Variants in SLC26A8 observed in about 807,000 individuals in gnomAD.
SLC26A8 encodes testis anion transporter 1.
A neutral mutation model predicts 105.0 loss-of-function variants in SLC26A8; 70 were observed. The observed-to-expected ratio is 0.67, with a 90% CI of 0.55 to 0.81. The LOEUF is 0.81. Among genes scored for constraint, SLC26A8 ranks in the 40% least tolerant of loss-of-function variants. The pLI is 0.00. For missense variants in SLC26A8, 998 were observed against 1,181.8 expected (o/e 0.84, Z 2.28); for synonymous variants, 415 against 438.3 (o/e 0.95, Z 0.66).
intron 19 of SLC26A8, among the ~76,000 whole-genome samples, chr6:35,946,725 T>C (rs557531524): frequency 1.3e-5 from 2 of 152,304 alleles, no homozygotes; most frequent in Middle Eastern, 3.4e-3. Flanking sequence ...TCTTACTCTG[T>C]CATCCAGGCC....
chr6:35,995,004 G>A (rs1761313230), intron 5 of SLC26A8, among the ~76,000 whole-genome samples: 1 of 152,128 alleles, frequency 6.6e-6, no homozygotes, highest in South Asian at 2.1e-4. Flanking sequence ...GTGTAAGTGT[G>A]GGCAAGTTAA....
At chr6:35,944,679 A>G (rs756295473) in intron 19 of SLC26A8, among the ~76,000 whole-genome samples, 1 of 151,964 alleles carries the variant, frequency 6.6e-6, no homozygotes, top group African/African-American at 2.4e-5. Context: ...GCTGCACTCC[A>G]GCCTGAGCAA....
Position 35,994,360 on chromosome 6 carries a change from C to T in SLC26A8, c.628-1686G>A, listed in dbSNP as rs940993434. Among the ~76,000 whole-genome samples the T allele has an allele frequency of 9.2e-5, 14 of 151,898 alleles. 1 individual carries two copies. Among genetic ancestry groups the T allele is most frequent in the Admixed American group, 4.6e-4 (7 of 15,224 alleles). ...CGATCTCCTGACCTTGTGATCCGCC[C>T]GCCTCGGCCTCTCAAAGTGCTGGGA... On this transcript the variant is annotated intron_variant, in intron 5 of 19. Coordinates refer to ENST00000490799, the MANE Select transcript of SLC26A8 (RefSeq NM_052961.4).
chr6:36,002,680 G>GT (rs1363416629), intron 3 of SLC26A8, among the ~76,000 whole-genome samples: 3 of 150,242 alleles, frequency 2.0e-5, no homozygotes, highest in African/African-American at 7.3e-5. Context: ...TGTTTTGCAA[G>GT]TATCTCCCAT....
intron 7 of SLC26A8, among the ~76,000 whole-genome samples, chr6:35,989,294 A>G (rs185601393): frequency 6.6e-6 from 1 of 152,312 alleles, no homozygotes; most frequent in African/African-American, 2.4e-5. Flanking sequence ...TCTTTTTGTC[A>G]TGACAGATTA....
At chr6:35,982,789 CAAAAGAGA>C (rs1773329611) in intron 7 of SLC26A8, among the ~76,000 whole-genome samples, 2 of 151,986 alleles carry the variant, frequency 1.3e-5, no homozygotes, top group Non-Finnish European at 2.9e-5. Flanking sequence ...TGAGGTATAC[CAAAAGAGA>C]AACATGATTA....
chr6:35,972,720 G>A (rs182578608), intron 10 of SLC26A8, among the ~76,000 whole-genome samples: 22 of 152,272 alleles, frequency 1.4e-4, no homozygotes, highest in Non-Finnish European at 2.4e-4. Context: ...AGGTGGCAGC[G>A]GAAAACAAAA....
intron 10 of SLC26A8, chr6:35,969,258 C>T (rs1342721142): frequency 3.3e-6 from 1 of 300,354 alleles, no homozygotes; most frequent in African/African-American, 2.2e-5. Context: ...CTCCTAAAAT[C>T]TGATTTGCAT....
chr6:35,975,348 T>C lies in SLC26A8; in HGVS notation c.1287+27A>G, dbSNP rs147847904. On this transcript the variant is annotated intron_variant, in intron 10 of 19. Coordinates refer to ENST00000490799, the MANE Select transcript of SLC26A8 (RefSeq NM_052961.4). The stretch of plus-strand genomic sequence containing the variant: ...AATTGATATGAATATGTTTATGTAT[T>C]AGAGATCAAATTGTATTTCAACATA... The C allele has an allele frequency of 4.0e-4, 519 of 1,313,418 alleles. 1 individual carries two copies. The African/African-American group carries it at 6.8e-3, about 17-fold the overall frequency. 81.4% of individuals were successfully genotyped at this position (1,313,418 alleles called of 1,614,324 possible).
intron 11 of SLC26A8, among the ~76,000 whole-genome samples, chr6:35,963,098 T>C (rs891263380): frequency 2.6e-5 from 4 of 152,174 alleles, no homozygotes; most frequent in Non-Finnish European, 5.9e-5. Flanking sequence ...AGGTAGTTCA[T>C]TACTCACATA....
intron 4 of SLC26A8, among the ~76,000 whole-genome samples, chr6:35,999,655 A>G (rs947954373): frequency 2.6e-5 from 4 of 152,188 alleles, no homozygotes; most frequent in Non-Finnish European, 5.9e-5. Context: ...GGTTCAGATG[A>G]AAGAAGTATC....
In SLC26A8 at chr6:35,981,295, G is replaced by C. The variant is rs1773255801; in HGVS notation, c.1025+826C>G. ...GAGTCCTTAAGAACTCCATATGCCAGGCTATTTGAAGATCACTTTCTACCC... is the reference window on the plus strand; with the variant it reads ...GAGTCCTTAAGAACTCCATATGCCACGCTATTTGAAGATCACTTTCTACCC... On this transcript the variant is annotated intron_variant, in intron 8 of 19. Coordinates refer to ENST00000490799, the MANE Select transcript of SLC26A8 (RefSeq NM_052961.4). This position sits in a 1 kb window ranked among gnomAD's most constrained non-coding sequence, Gnocchi z 4.0. Among the ~76,000 whole-genome samples the C allele has an allele frequency of 6.6e-6, 1 of 152,138 alleles. No homozygotes were observed. Among genetic ancestry groups the C allele is most frequent in the African/African-American group, 2.4e-5 (1 of 41,424 alleles).
Position 36,024,544 on chromosome 6 carries a change from C to T in SLC26A8, c.-43G>A, listed in dbSNP as rs762655066. The T allele has an allele frequency of 7.2e-6, 3 of 416,348 alleles. No individual in the cohort carries two copies. Among genetic ancestry groups the T allele is most frequent in the East Asian group, 1.5e-4 (2 of 12,974 alleles). The allele number at this position is 416,348 out of a possible 1,614,324, so 25.8% of individuals were successfully genotyped here. ...GGGCGGGAGTGCGGGCGCTGGGATC[C>T]CACACGGCTCTCGCCTGGCTGGCGG... On this transcript the variant is annotated 5_prime_UTR_variant, in exon 1 of 20. Transcript: ENST00000490799.
chr6:35,993,314 C>T (rs902954226), intron 5 of SLC26A8, among the ~76,000 whole-genome samples: 1 of 151,780 alleles, frequency 6.6e-6, no homozygotes, highest in African/African-American at 2.4e-5. Flanking sequence ...CCTGCCTTTG[C>T]CTTTTTAAAC....
rs147857844 is a variant in SLC26A8 at position 35,981,363 on chromosome 6, G to A, written c.1025+758C>T. ...TTGCTCAAGGGCACCAATTCTGACCGGGCACTGTGGCTCATGCCTGTAATC... is the reference window on the plus strand; with the variant it reads ...TTGCTCAAGGGCACCAATTCTGACCAGGCACTGTGGCTCATGCCTGTAATC... On this transcript the variant is annotated intron_variant, in intron 8 of 19. Coordinates refer to ENST00000490799, the MANE Select transcript of SLC26A8 (RefSeq NM_052961.4). The surrounding 1 kb of genome is among the most constrained non-coding windows in gnomAD (Gnocchi z 4.0). Among the ~76,000 whole-genome samples, 15 of 152,250 alleles carry A rather than the reference G, an allele frequency of 9.9e-5. No individual in the cohort carries two copies. Among genetic ancestry groups the A allele is most frequent in the African/African-American group, 2.9e-4 (12 of 41,532 alleles).
chr6:36,020,901 TC>T (rs1762112656), intron 1 of SLC26A8, among the ~76,000 whole-genome samples: 1 of 152,212 alleles, frequency 6.6e-6, no homozygotes, highest in Admixed American at 6.5e-5. Context: ...GTTTAATGTG[TC>T]AGCAACTTTG....
In SLC26A8 at chr6:36,019,648, T is replaced by C. The variant is rs61743377; in HGVS notation, c.60A>G (p.Ser20=). The C allele has an allele frequency of 2.7e-3, 4,367 of 1,614,138 alleles. 118 individuals carry two copies. In the African/African-American group the frequency reaches 0.052, roughly 19 times the overall value. The change falls in exon 2 of 20, where the codon TCA becomes TCG. Residue 20 remains serine (S), a synonymous_variant. Transcript: ENST00000490799. ...CTTCACGCTTAACATCATATGCGAATGAGTTTCGCCTGGACTTAGAGCTGA... is the reference window on the plus strand; with the variant it reads ...CTTCACGCTTAACATCATATGCGAACGAGTTTCGCCTGGACTTAGAGCTGA... ...SGFSSKSRRN[S]FAYDVKREVY... is the part of the protein sequence containing the mutation.
chr6:36,012,652 C>T (rs546172165), intron 2 of SLC26A8, among the ~76,000 whole-genome samples: 21 of 152,306 alleles, frequency 1.4e-4, no homozygotes, highest in Non-Finnish European at 2.8e-4. Context: ...CTCCAGACAT[C>T]GCCACATGTT....
intron 3 of SLC26A8, among the ~76,000 whole-genome samples, chr6:36,009,459 G>A (rs747389186): frequency 2.0e-5 from 3 of 152,088 alleles, no homozygotes; most frequent in Non-Finnish European, 2.9e-5. Flanking sequence ...ATCCTTCAAT[G>A]GGTAAATGTT....
Sources: gnomAD v4.1 joint callset for allele counts (sites outside exome capture counted in the v4.1 genomes callset) on GRCh38, gnomAD v4.1.1 for gene constraint, Gnocchi (gnomAD v3.1) non-coding constraint, MANE v1.5 for transcripts, NCBI Gene and HGNC (gene_info 2026-07-23, HGNC 2026-07-21) for gene names.